The following APOL2 variants were observed in gnomAD, a reference collection of about 807,000 sequenced individuals.
APOL2 encodes the protein apolipoprotein L2.
A neutral mutation model predicts 7.1 loss-of-function variants in APOL2; 8 were observed. The observed-to-expected ratio is 1.12, with a 90% CI of 0.66 to 2.03. The LOEUF (loss-of-function observed/expected upper bound fraction) is 2.03, where lower values mean the gene tolerates loss of function less well. APOL2 is among the 30% of genes most tolerant of loss of function. The probability of loss-of-function intolerance (pLI) is 0.00; values close to 1 mark genes in which losing one functional copy is unlikely to be tolerated. For synonymous variants in APOL2, 177 were observed against 159.9 expected, an observed-to-expected ratio of 1.11 and a Z score of -0.81; for missense variants, 471 against 415.1, an observed-to-expected ratio of 1.13 and a Z score of -1.17.
chr22:36,234,230 T>G (rs1434321213), intron 1 of APOL2: 8 of 152,244 alleles, frequency 5.3e-5, no homozygotes, highest in Non-Finnish European at 1.0e-4. Flanking sequence ...TCAAAAGTTT[T>G]TATACCTAGA....
rs199525386 is a variant in APOL2, at chr22:36,231,309, C to T, written c.137+31G>A. On this transcript the variant is annotated intron_variant, in intron 4 of 4. Coordinates refer to ENST00000358502, the MANE Select transcript of APOL2 (RefSeq NM_030882.4). ...GGAGATCTGAGTGGCATCGCTGGGG[C>T]GCCCCATGGAGTTAACCCCATGGAG... 1.0e-5 allele frequency: 16 copies of T among 1,603,764 alleles called. No individual in the cohort carries two copies. In the East Asian group the frequency reaches 1.8e-4, roughly 18 times the overall value.
chr22:36,229,277 T>C (rs970521669), intron 4 of APOL2, among the ~76,000 whole-genome samples: 2 of 152,160 alleles, frequency 1.3e-5, no homozygotes, highest in African/African-American at 4.8e-5. Flanking sequence ...GTCAGTCCTG[T>C]TCCATCTCCC....
chr22:36,230,583 T>C (rs918464344), intron 4 of APOL2, among the ~76,000 whole-genome samples: 1 of 152,188 alleles, frequency 6.6e-6, no homozygotes, highest in Non-Finnish European at 1.5e-5. Flanking sequence ...GCTCTGACAC[T>C]GGTCCCGGTC....
chr22:36,236,899 G>A, intron 1 of APOL2: 3 of 1,298,306 alleles, frequency 2.3e-6, no homozygotes, highest in Admixed American at 3.8e-5. Context: ...AAGGGACGGG[G>A]TGACGGGAGG....
chr22:36,236,953 A>T, intron 1 of APOL2: 1 of 1,339,056 alleles, frequency 7.5e-7, no homozygotes, highest in Non-Finnish European at 9.6e-7. Flanking sequence ...ACTCTGTGAC[A>T]CCCTAGGCCA....
At chr22:36,235,746 T>TGG (rs751780481) in intron 1 of APOL2, among the ~76,000 whole-genome samples, 23 of 116,286 alleles carry the variant, frequency 2.0e-4, no homozygotes, top group African/African-American at 9.4e-4. Context: ...GAAGAAAGGG[T>TGG]GGGTGGGTGG....
intron 1 of APOL2, among the ~76,000 whole-genome samples, chr22:36,233,771 G>T (rs2015311194): frequency 6.6e-6 from 1 of 152,174 alleles, no homozygotes; most frequent in South Asian, 2.1e-4. Flanking sequence ...CTAGAGCCAG[G>T]ACTTCTGCTT....
chr22:36,237,300 C>T, intron 1 of APOL2: 1 of 1,350,880 alleles, frequency 7.4e-7, no homozygotes, highest in Non-Finnish European at 9.6e-7. Flanking sequence ...GCCAAGCTCT[C>T]CAGATGCAGA....
intron 1 of APOL2, chr22:36,236,561 G>C: frequency 2.0e-6 from 2 of 985,340 alleles, no homozygotes; most frequent in Non-Finnish European, 2.4e-6. Context: ...TCCCAGTTAG[G>C]GGCGGCTCCA....
At position 36,227,812 on chromosome 22, in the gene APOL2, G is replaced by A. The variant is rs1184301938; in HGVS notation, c.606C>T (p.Asn202=). ...CAACTAAGGTAAGAACATTGGGTGTGTTCCCACCCACAAACTCCTTCATCA... is the reference window on the plus strand; with the variant it reads ...CAACTAAGGTAAGAACATTGGGTGTATTCCCACCCACAAACTCCTTCATCA... ...AKVMKEFVGG[N]TPNVLTLVDN... Residue 202 remains asparagine (N), a synonymous_variant, in exon 5 of 5, where the codon AAC becomes AAT. Coordinates refer to ENST00000358502, the MANE Select transcript of APOL2 (RefSeq NM_030882.4). 2.5e-6 allele frequency: 4 copies of A among 1,614,088 alleles called. No homozygotes were observed. In the Admixed American group the frequency reaches 6.7e-5, roughly 27 times the overall value.
chr22:36,235,744 GGT>G (rs1260096120), intron 1 of APOL2, among the ~76,000 whole-genome samples: 5 of 100,972 alleles, frequency 5.0e-5, no homozygotes, highest in African/African-American at 1.5e-4. Flanking sequence ...AGGAAGAAAG[GGT>G]GGGTGGGTGG....
At position 36,227,287 on chromosome 22, in the gene APOL2, T is replaced by G. The variant is rs866726157; in HGVS notation, c.*117A>C. 1.8e-4 allele frequency: 231 copies of G among 1,295,748 alleles called. 1 individual carries two copies. The African/African-American group carries it at 2.8e-3, about 16-fold the overall frequency. The allele number at this position is 1,295,748 out of a possible 1,614,324, so 80.3% of individuals were successfully genotyped here. On this transcript the variant is annotated 3_prime_UTR_variant, in exon 5 of 5. Coordinates refer to ENST00000358502, the MANE Select transcript of APOL2 (RefSeq NM_030882.4). ...GCCGAGATTGAGCCACTGCACTCCA[T>G]CCTGGGCGATAGAGCGAGACTCCAT...
chr22:36,230,679 G>A (rs1035218089), intron 4 of APOL2, among the ~76,000 whole-genome samples: 4 of 152,098 alleles, frequency 2.6e-5, no homozygotes, highest in Admixed American at 2.6e-4. Context: ...ACACTCCTAT[G>A]ACATTGAATT....
At chr22:36,239,055 C>T (rs574066138) in intron 1 of APOL2, 254 of 1,026,848 alleles carry the variant, frequency 2.5e-4, no homozygotes, top group East Asian at 3.7e-4. Flanking sequence ...AAGGACATGC[C>T]GGGCTCCAGG....
intron 1 of APOL2, chr22:36,239,113 A>G (rs1050776538): frequency 6.8e-6 from 8 of 1,176,368 alleles, no homozygotes; most frequent in Non-Finnish European, 8.4e-6. Context: ...TTTCCCAAAG[A>G]GATGGGCACC....
At position 36,237,567 on chromosome 22, in the gene APOL2, C is replaced by T. The variant is rs561033476; in HGVS notation, c.-134+1874G>A. On this transcript the variant is annotated intron_variant, in intron 1 of 4. Coordinates refer to ENST00000358502, the MANE Select transcript of APOL2 (RefSeq NM_030882.4). ...GGGACTACAGGCACACGGCACCATG[C>T]AGGACTAATTTGTTAATTTTTCATT... 3.3e-5 allele frequency among the ~76,000 whole-genome samples: 5 copies of T among 152,078 alleles called. No individual in the cohort carries two copies. In the South Asian group the frequency reaches 8.3e-4, roughly 25 times the overall value.
At chr22:36,231,288 A>G (rs1017831702) in intron 4 of APOL2, 52 bp downstream of exon 4, 4 of 1,600,762 alleles carry the variant, frequency 2.5e-6, no homozygotes, top group Admixed American at 1.7e-5. Flanking sequence ...CCCAGGGGAG[A>G]TCTGAGTGGC....
intron 1 of APOL2, chr22:36,237,425 T>C: frequency 8.5e-7 from 1 of 1,173,462 alleles, no homozygotes; most frequent in Non-Finnish European, 1.1e-6. Flanking sequence ...CATTTTATTT[T>C]TGAGAAACTG....
chr22:36,237,046 G>T, intron 1 of APOL2: 2 of 1,477,500 alleles, frequency 1.4e-6, no homozygotes, highest in Admixed American at 2.3e-5. Flanking sequence ...GGCAGACAGA[G>T]CTGGGGCCTC....
Sources: allele counts gnomAD v4.1 joint callset (sites outside exome capture counted in the v4.1 genomes callset), GRCh38; gene constraint gnomAD v4.1.1; transcripts MANE v1.5; gene names NCBI Gene and HGNC (gene_info 2026-07-23, HGNC 2026-07-21).